SH3BP4: variants seen among roughly 807,000 people sequenced by gnomAD.
The protein encoded by SH3BP4 is SH3 domain binding protein 4.
A neutral mutation model predicts 65.5 loss-of-function variants in SH3BP4; 33 were observed. That is an observed-to-expected ratio of 0.50 (90% CI 0.38 to 0.67). SH3BP4 has a LOEUF of 0.67. Among genes scored for constraint, SH3BP4 ranks in the 30% least tolerant of loss-of-function variants. The pLI is 0.00. For synonymous variants in SH3BP4, 552 were observed against 545.5 expected, an observed-to-expected ratio of 1.01 and a Z score of -0.17; for missense variants, 1,134 against 1,261.4, an observed-to-expected ratio of 0.90 and a Z score of 1.53.
chr2:234,966,422 T>A (rs956708650), intron 1 of SH3BP4, among the ~76,000 whole-genome samples: 6 of 152,218 alleles, frequency 3.9e-5, no homozygotes, highest in African/African-American at 1.4e-4. Context: ...CTAAAATTTG[T>A]AGAGCAGCTA....
At chr2:234,965,715 A>G (rs946704123) in intron 1 of SH3BP4, among the ~76,000 whole-genome samples, 3 of 151,972 alleles carry the variant, frequency 2.0e-5, no homozygotes, top group Admixed American at 2.0e-4. Flanking sequence ...GCTCAAGAAG[A>G]TGGGTAAAAT....
chr2:235,020,251 C>A (rs1417421273), intron 2 of SH3BP4, among the ~76,000 whole-genome samples: 1 of 152,230 alleles, frequency 6.6e-6, no homozygotes, highest in Non-Finnish European at 1.5e-5. Flanking sequence ...AATCCCAGCA[C>A]TTTGGGAGGC....
At chr2:234,999,056 C>T (rs775959517) in intron 2 of SH3BP4, among the ~76,000 whole-genome samples, 5 of 152,202 alleles carry the variant, frequency 3.3e-5, no homozygotes, top group African/African-American at 9.7e-5. Flanking sequence ...TGACAACGTC[C>T]GCAGGGCCTC....
chr2:234,981,978 G>A (rs1010066296), intron 1 of SH3BP4, among the ~76,000 whole-genome samples: 3 of 152,074 alleles, frequency 2.0e-5, no homozygotes, highest in Non-Finnish European at 4.4e-5. Context: ...CTCTGATGTC[G>A]CCTCCTGAGG....
intron 1 of SH3BP4, among the ~76,000 whole-genome samples, chr2:234,973,954 G>C (rs1559228120): frequency 1.3e-5 from 2 of 152,110 alleles, no homozygotes; most frequent in Non-Finnish European, 2.9e-5. Context: ...TTTTTGGGGG[G>C]CTGTGAGGCT....
chr2:235,052,808 C>T lies in SH3BP4; in HGVS notation c.2667+58C>T. The T allele has an allele frequency of 1.4e-6, 2 of 1,456,516 alleles. No homozygotes were observed. Among genetic ancestry groups the T allele is most frequent in the Non-Finnish European group, 1.8e-6 (2 of 1,085,722 alleles). The allele number at this position is 1,456,516 out of a possible 1,614,324, so 90.2% of individuals were successfully genotyped here. A position where few individuals can be genotyped will look rare whatever the true frequency, so the allele number is the denominator to read the frequency against. The stretch of plus-strand genomic sequence containing the variant: ...CCCCTCTGTCCCTGGGTTCCGTGGA[C>T]CCATGCAGTGCAGCCATAAAAAGTC... On this transcript the variant is annotated intron_variant, in intron 5 of 5. Transcript: ENST00000392011. The surrounding 1 kb of genome is among the most constrained non-coding windows in gnomAD (Gnocchi z 5.0).
At chr2:234,961,544 T>C (rs1692715746) in intron 1 of SH3BP4, among the ~76,000 whole-genome samples, 1 of 152,172 alleles carries the variant, frequency 6.6e-6, no homozygotes, top group African/African-American at 2.4e-5. Context: ...GGTGCTGGGA[T>C]TACAGGTGTG....
At chr2:234,992,622 G>T (rs1693781030) in intron 1 of SH3BP4, among the ~76,000 whole-genome samples, 1 of 150,034 alleles carries the variant, frequency 6.7e-6, no homozygotes, top group Non-Finnish European at 1.5e-5. Flanking sequence ...GTGTGGCTCT[G>T]GGTCTGGAGC....
chr2:235,026,378 T>C lies in SH3BP4; in HGVS notation c.-132-8493T>C, dbSNP rs1288994161. Among the ~76,000 whole-genome samples, 1 of 152,124 alleles carries C rather than the reference T, an allele frequency of 6.6e-6. No homozygotes were observed. The highest frequency in any genetic ancestry group is 2.4e-5 in the African/African-American group (1 of 41,420). ...TAGTGACGACTCATGGCCCTTGTTT[T>C]CCCCGCATCTCTGGAGTCTGAGTCA... On this transcript the variant is annotated intron_variant, in intron 2 of 5. Coordinates refer to ENST00000392011, the MANE Select transcript of SH3BP4 (RefSeq NM_014521.3). This position sits in a 1 kb window ranked among gnomAD's most constrained non-coding sequence, Gnocchi z 4.6.
Position 235,040,931 on chromosome 2 carries a change from C to T in SH3BP4, c.162C>T (p.Phe54=), listed in dbSNP as rs148473816. 1.1e-3 allele frequency: 1,850 copies of T among 1,614,032 alleles called. 3 individuals carry two copies. Among genetic ancestry groups the T allele is most frequent in the Non-Finnish European group, 1.3e-3 (1,486 of 1,179,924 alleles). The change falls in exon 4 of 6, where the codon TTC becomes TTT. Residue 54 remains phenylalanine (F), a synonymous_variant. Transcript: ENST00000392011. ...SALLVDNPTP[F]GNAKEVIAIK... Reference sequence around the variant, plus strand: ...TGCTCGTAGACAACCCCACACCTTTCGGAAATGCAAAGGAAGTGATTGCGA... The same window carrying T: ...TGCTCGTAGACAACCCCACACCTTTTGGAAATGCAAAGGAAGTGATTGCGA...
intron 1 of SH3BP4, among the ~76,000 whole-genome samples, chr2:234,958,343 G>T (rs1489002765): frequency 6.6e-6 from 1 of 152,166 alleles, no homozygotes; most frequent in Admixed American, 6.5e-5. Flanking sequence ...CAACTTCAGA[G>T]CCAGCCATGG....
chr2:234,983,374 G>A (rs973936595), intron 1 of SH3BP4: 9 of 152,250 alleles, frequency 5.9e-5, no homozygotes, highest in Non-Finnish European at 8.8e-5. Context: ...TGGTGAACAG[G>A]ACAAAGTCCT....
chr2:235,034,739 C>G lies in SH3BP4; in HGVS notation c.-132-132C>G. 2.3e-6 allele frequency: 1 copy of G among 443,352 alleles called. No individual in the cohort carries two copies. The highest frequency in any genetic ancestry group is 4.1e-6 in the Non-Finnish European group (1 of 241,926). The allele number at this position is 443,352 out of a possible 1,614,324, so 27.5% of individuals were successfully genotyped here. On this transcript the variant is annotated intron_variant, in intron 2 of 5. Transcript: ENST00000392011. The surrounding 1 kb of genome is among the most constrained non-coding windows in gnomAD (Gnocchi z 6.2). Reference sequence around the variant, plus strand: ...CAAGCGCTGCTCTGCTCTGTTGGGCCAGGAAAGATGAAATGGGTCTGTCCT... The same window carrying G: ...CAAGCGCTGCTCTGCTCTGTTGGGCGAGGAAAGATGAAATGGGTCTGTCCT...
chr2:234,958,659 G>A (rs1160010333), intron 1 of SH3BP4, among the ~76,000 whole-genome samples: 4 of 152,068 alleles, frequency 2.6e-5, no homozygotes, highest in Admixed American at 2.6e-4. Context: ...CAAGTGCCCT[G>A]CGGGGCCCTG....
intron 1 of SH3BP4, among the ~76,000 whole-genome samples, chr2:234,990,662 G>T (rs2106268839): frequency 6.6e-6 from 1 of 152,334 alleles, no homozygotes; most frequent in South Asian, 2.1e-4. Context: ...TTTCAGATCT[G>T]TCACTCCCTC....
At chr2:235,022,691 C>T (rs181365454) in intron 2 of SH3BP4, among the ~76,000 whole-genome samples, 5 of 152,242 alleles carry the variant, frequency 3.3e-5, no homozygotes, top group African/African-American at 9.6e-5. Flanking sequence ...ACTGGACACC[C>T]GCCGCTGTTG....
At chr2:234,969,851 C>A (rs190121003) in intron 1 of SH3BP4, among the ~76,000 whole-genome samples, 59 of 152,170 alleles carry the variant, frequency 3.9e-4, no homozygotes, top group Non-Finnish European at 6.3e-4. Flanking sequence ...ACACACACAC[C>A]CCCTCTTTCT....
chr2:235,018,143 G>C (rs1255801723), intron 2 of SH3BP4, among the ~76,000 whole-genome samples: 1 of 152,166 alleles, frequency 6.6e-6, no homozygotes, highest in Non-Finnish European at 1.5e-5. Context: ...TGTGGGGCAG[G>C]GAGGTTGCAG....
intron 1 of SH3BP4, among the ~76,000 whole-genome samples, 169 bp from the exon 2 acceptor site, chr2:234,995,134 G>A (rs1429942230): frequency 6.6e-6 from 1 of 152,228 alleles, no homozygotes; most frequent in Non-Finnish European, 1.5e-5. Flanking sequence ...GCTTCAGAAG[G>A]GGACCTGGGG....
Sources: allele counts gnomAD v4.1 joint callset (sites outside exome capture counted in the v4.1 genomes callset), GRCh38; gene constraint gnomAD v4.1.1; non-coding constraint Gnocchi (gnomAD v3.1); transcripts MANE v1.5; gene names NCBI Gene and HGNC (gene_info 2026-07-23, HGNC 2026-07-21).